STK3: variants seen among roughly 807,000 people sequenced by gnomAD.
STK3 encodes the protein serine/threonine kinase 3.
Under a neutral mutation model 58.0 loss-of-function variants are expected in STK3, and 41 were observed. The ratio of observed to expected loss-of-function variants is 0.71; its 90% CI spans 0.55 to 0.92. The LOEUF (loss-of-function observed/expected upper bound fraction) is 0.92, where lower values mean the gene tolerates loss of function less well. Among genes scored for constraint, STK3 ranks in the 40% least tolerant of loss-of-function variants. The pLI, the probability that STK3 is intolerant of heterozygous loss-of-function variation, is 0.00. For synonymous variants in STK3, 170 were observed against 191.0 expected (o/e 0.89, Z 0.91); for missense variants, 479 against 602.7 (o/e 0.79, Z 2.15).
intron 6 of STK3, among the ~76,000 whole-genome samples, chr8:98,696,269 G>C (rs1347312926): frequency 3.3e-5 from 5 of 152,056 alleles, no homozygotes; most frequent in Non-Finnish European, 7.4e-5. Context: ...GAGACAATGG[G>C]GTTTTCTAGA....
intron 7 of STK3, among the ~76,000 whole-genome samples, chr8:98,591,848 A>C (rs1815342632): frequency 6.6e-6 from 1 of 152,216 alleles, no homozygotes; most frequent in Non-Finnish European, 1.5e-5. Flanking sequence ...TCCCCTGAGA[A>C]GATAAAGTAT....
intron 3 of STK3, among the ~76,000 whole-genome samples, chr8:98,869,306 A>G (rs1837275529): frequency 6.6e-6 from 1 of 152,120 alleles, no homozygotes; most frequent in Non-Finnish European, 1.5e-5. Context: ...CTGTAATCTC[A>G]GCTATTCAGA....
chr8:98,741,465 G>A (rs1313906976), intron 4 of STK3, among the ~76,000 whole-genome samples: 1 of 152,070 alleles, frequency 6.6e-6, no homozygotes, highest in Non-Finnish European at 1.5e-5. Flanking sequence ...TCAACTACAT[G>A]GAAACTGAAC....
chr8:98,646,615 T>A (rs1352270574), intron 6 of STK3, among the ~76,000 whole-genome samples: 1 of 152,140 alleles, frequency 6.6e-6, no homozygotes, highest in Non-Finnish European at 1.5e-5. Context: ...TTTCTTTGTG[T>A]TAAACTCCTG....
chr8:98,686,646 C>T (rs992958992), intron 6 of STK3, among the ~76,000 whole-genome samples: 1 of 152,062 alleles, frequency 6.6e-6, no homozygotes, highest in Non-Finnish European at 1.5e-5. Context: ...AGAAACTCAA[C>T]AAGATCCAAG....
At chr8:98,888,670 C>A (rs1220990116) in intron 1 of STK3, among the ~76,000 whole-genome samples, 3 of 152,158 alleles carry the variant, frequency 2.0e-5, no homozygotes, top group East Asian at 1.9e-4. Flanking sequence ...AAAAGGAATT[C>A]AAAAATGCAG....
chr8:98,717,255 G>A (rs1328869732), intron 4 of STK3, among the ~76,000 whole-genome samples: 1 of 150,920 alleles, frequency 6.6e-6, no homozygotes, highest in Non-Finnish European at 1.5e-5. Context: ...CACAGAATGG[G>A]AGAAAACATT....
At chr8:98,737,575 T>C (rs1263915517) in intron 4 of STK3, among the ~76,000 whole-genome samples, 1 of 152,104 alleles carries the variant, frequency 6.6e-6, no homozygotes, top group African/African-American at 2.4e-5. Flanking sequence ...ATAACAAAAA[T>C]ATATGAGATA....
rs1180936234 is a variant in STK3 at position 98,375,276 on chromosome 8, A to AAC, written n.112-3599_112-3598insGT. Reference sequence around the variant, plus strand: ...TTTCCAAAACAAAAAAAAAACAAAAAAAAACAAAAAAAAAAACCTATTATA... The same window carrying AAC: ...TTTCCAAAACAAAAAAAAAACAAAAAACAAAACAAAAAAAAAAACCTATTATA... On this transcript the variant is annotated intron_variant and non_coding_transcript_variant, in intron 2 of 2. Coordinates refer to the STK3 transcript ENST00000518704. Among the ~76,000 whole-genome samples the AAC allele has an allele frequency of 4.0e-4, 59 of 148,814 alleles. 1 individual carries two copies. Among genetic ancestry groups the AAC allele is most frequent in the Admixed American group, 1.2e-3 (18 of 15,004 alleles).
intron 6 of STK3, among the ~76,000 whole-genome samples, chr8:98,673,868 G>C (rs1002028670): frequency 2.0e-5 from 3 of 152,156 alleles, no homozygotes; most frequent in Non-Finnish European, 1.5e-5. Flanking sequence ...TTCAGTAAAT[G>C]TACACTGTAA....
At chr8:98,452,489 C>T (rs1281691563), downstream of STK3, among the ~76,000 whole-genome samples, 1 of 152,134 alleles carries the variant, frequency 6.6e-6, no homozygotes, top group Non-Finnish European at 1.5e-5. Context: ...AAGTTCATTA[C>T]ACCAAAGAAA....
chr8:98,896,734 T>G (rs574963444), intron 1 of STK3, among the ~76,000 whole-genome samples: 13 of 152,210 alleles, frequency 8.5e-5, no homozygotes, highest in Admixed American at 4.6e-4. Context: ...ATCCCAGCAC[T>G]TTGGGAGGCA....
At chr8:98,361,766 A>G in the STK3 span, among the ~76,000 whole-genome samples, 1 of 152,186 alleles carries the variant, frequency 6.6e-6, no homozygotes, top group Non-Finnish European at 1.5e-5. Flanking sequence ...GCTTCTAGAA[A>G]GGACCTAGGA....
intron 6 of STK3, among the ~76,000 whole-genome samples, chr8:98,665,261 G>C (rs866587448): frequency 1.3e-5 from 2 of 152,146 alleles, no homozygotes; most frequent in Non-Finnish European, 2.9e-5. Flanking sequence ...TGAAACTAAA[G>C]GTCTGACTAC....
intron 6 of STK3, among the ~76,000 whole-genome samples, chr8:98,660,549 G>C (rs916457316): frequency 1.3e-5 from 2 of 151,960 alleles, no homozygotes; most frequent in African/African-American, 4.8e-5. Context: ...TACAACTTTA[G>C]GGAAGCCAAA....
intron 2 of STK3, among the ~76,000 whole-genome samples, chr8:98,372,483 G>A (rs999958073): frequency 6.6e-5 from 10 of 152,162 alleles, no homozygotes; most frequent in African/African-American, 2.4e-4. Context: ...TCTGCCCAGT[G>A]GGGTTTTTTG....
chr8:98,486,124 C>T (rs1191389734), intron 10 of STK3, among the ~76,000 whole-genome samples: 1 of 152,178 alleles, frequency 6.6e-6, no homozygotes, highest in Non-Finnish European at 1.5e-5. Context: ...CAACTATTTG[C>T]CTTTTGGCGT....
intron 1 of STK3, chr8:98,782,472 C>T: frequency 3.6e-6 from 1 of 275,064 alleles, no homozygotes; most frequent in Non-Finnish European, 7.3e-6. Context: ...CATCCACCTG[C>T]TGAAGGCACA....
At chr8:98,458,991 A>G (rs1173475351) in intron 10 of STK3, among the ~76,000 whole-genome samples, 3 of 152,096 alleles carry the variant, frequency 2.0e-5, no homozygotes, top group Non-Finnish European at 4.4e-5. Context: ...AAGATACTTG[A>G]AATGTGGAAG....
Sources: allele counts gnomAD v4.1 joint callset (sites outside exome capture counted in the v4.1 genomes callset), GRCh38; gene constraint gnomAD v4.1.1; transcripts MANE v1.5; gene names NCBI Gene and HGNC (gene_info 2026-07-23, HGNC 2026-07-21).